Variants in ANAPC5 observed in about 807,000 individuals in gnomAD.
ANAPC5 encodes anaphase promoting complex subunit 5.
A neutral mutation model predicts 91.3 loss-of-function variants in ANAPC5; 60 were observed. The ratio of observed to expected loss-of-function variants is 0.66; its 90% CI spans 0.53 to 0.81. ANAPC5 has a LOEUF of 0.81. ANAPC5 is among the 40% of genes least tolerant of loss of function. The pLI is 0.00. For missense variants in ANAPC5, 690 were observed against 931.5 expected (o/e 0.74, Z 3.37); for synonymous variants, 340 against 364.1 (o/e 0.93, Z 0.75).
rs766197602 is a variant in ANAPC5 at position 121,320,367 on chromosome 12, A to G, written c.1515+18T>C. The G allele has an allele frequency of 3.1e-5, 50 of 1,610,064 alleles. No homozygotes were observed. Among genetic ancestry groups the G allele is most frequent in the Non-Finnish European group, 3.9e-5 (46 of 1,177,190 alleles). On this transcript the variant is annotated intron_variant, in intron 12 of 16. Coordinates refer to ENST00000261819, the MANE Select transcript of ANAPC5 (RefSeq NM_016237.5). ...TTTTATCAGAAATAAATCTATTGCC[A>G]TGCAAAAGGCAGATTACCTGGGCGT...
rs748787687 is a variant in ANAPC5 at position 121,308,555 on chromosome 12, G to T, written c.2193C>A (p.Asn731Lys). ...GCTGCCGGAAGAGCATCGCACACCG[G>T]TTCCTCTCCTGGGTCTTCCCCAGGG... ...YHTLGKTQER[N>K]RCAMLFRQLH... Residue 731 changes from asparagine to lysine, a missense_variant, in exon 17 of 17, where the codon AAC (asparagine) becomes AAA (lysine). Asn to Lys is a moderately conservative substitution (Grantham distance 94, BLOSUM62 0). Transcript: ENST00000261819. The T allele has an allele frequency of 6.8e-6, 11 of 1,614,150 alleles. No homozygotes were observed. Among genetic ancestry groups the T allele is most frequent in the Non-Finnish European group, 9.3e-6 (11 of 1,180,022 alleles).
intron 11 of ANAPC5, among the ~76,000 whole-genome samples, chr12:121,322,045 TA>T: frequency 6.6e-6 from 1 of 152,060 alleles, no homozygotes; most frequent in African/African-American, 2.4e-5. Context: ...TTTGTATTTT[TA>T]GGAGAGACAG....
intron 16 of ANAPC5, among the ~76,000 whole-genome samples, 166 bp from the exon 17 acceptor site, chr12:121,308,857 A>C (rs1038423465): frequency 1.3e-5 from 2 of 152,198 alleles, no homozygotes; most frequent in Non-Finnish European, 2.9e-5. Flanking sequence ...GTTTTCAAAA[A>C]GGTCTTTAAG....
intron 15 of ANAPC5, among the ~76,000 whole-genome samples, chr12:121,317,209 T>G (rs1902401170): frequency 6.6e-6 from 1 of 152,040 alleles, no homozygotes; most frequent in Non-Finnish European, 1.5e-5. Flanking sequence ...ACCACTGAAA[T>G]GTACACTTTA....
intron 4 of ANAPC5, among the ~76,000 whole-genome samples, chr12:121,344,353 T>G (rs1368180149): frequency 6.6e-6 from 1 of 151,612 alleles, no homozygotes; most frequent in Non-Finnish European, 1.5e-5. Flanking sequence ...CCAAGGCGGG[T>G]GGATCACCTG....
intron 4 of ANAPC5, among the ~76,000 whole-genome samples, chr12:121,345,393 T>C (rs782652251): frequency 1.5e-4 from 23 of 151,986 alleles, no homozygotes; most frequent in African/African-American, 5.3e-4. Flanking sequence ...AAAGGATCAA[T>C]TGACAAAAGT....
chr12:121,352,405 C>T lies in ANAPC5; in HGVS notation c.-65G>A. On this transcript the variant is annotated 5_prime_UTR_variant, in exon 1 of 17. Transcript: ENST00000261819. The stretch of plus-strand genomic sequence containing the variant: ...CGCCAGTTGTCACCACAAGGCACAA[C>T]ACTACCGGGTCTACATCTCCGCCCG... The T allele has an allele frequency of 7.5e-7, 1 of 1,328,498 alleles. No individual in the cohort carries two copies. Among genetic ancestry groups the T allele is most frequent in the Non-Finnish European group, 1.1e-6 (1 of 951,918 alleles). The allele number at this position is 1,328,498 out of a possible 1,614,324, so 82.3% of individuals were successfully genotyped here.
intron 6 of ANAPC5, 67 bp from the exon 7 acceptor site, chr12:121,335,790 G>T: frequency 7.5e-7 from 1 of 1,333,388 alleles, no homozygotes; most frequent in Non-Finnish European, 1.0e-6. Flanking sequence ...CAACTGCAGA[G>T]AGTTCCACTG....
chr12:121,331,116 T>C, intron 8 of ANAPC5: 1 of 462,156 alleles, frequency 2.2e-6, no homozygotes, highest in East Asian at 3.4e-5. Context: ...TCATGGCAAG[T>C]TGCATTAAAC....
intron 11 of ANAPC5, among the ~76,000 whole-genome samples, chr12:121,325,741 C>A (rs1902789260): frequency 1.3e-5 from 2 of 151,892 alleles, no homozygotes; most frequent in African/African-American, 4.8e-5. Context: ...GTGGTGGACA[C>A]CTATAGTCCC....
chr12:121,330,726 T>C (rs2136787197), intron 8 of ANAPC5, 54 bp from the exon 9 acceptor site: 2 of 1,398,452 alleles, frequency 1.4e-6, no homozygotes, highest in African/African-American at 1.4e-5. Context: ...GCTGATGTTC[T>C]AGTGAAATAT....
intron 1 of ANAPC5, among the ~76,000 whole-genome samples, chr12:121,349,397 C>T (rs1378936375): frequency 2.0e-5 from 3 of 151,570 alleles, no homozygotes; most frequent in Non-Finnish European, 2.9e-5. Flanking sequence ...TACATCTCTA[C>T]CAAAATTTAA....
chr12:121,320,466 T>C lies in ANAPC5; in HGVS notation c.1441-7A>G. Reference sequence around the variant, plus strand: ...AAGCTGCAGCAAAACAGCCCTAAAGTAGAAACACACAATTTGATCAGCATA... The same window carrying C: ...AAGCTGCAGCAAAACAGCCCTAAAGCAGAAACACACAATTTGATCAGCATA... On this transcript the variant is annotated splice_region_variant and splice_polypyrimidine_tract_variant and intron_variant, in intron 11 of 16. Transcript: ENST00000261819. 6.2e-7 allele frequency: 1 copy of C among 1,613,266 alleles called. No homozygotes were observed. Among genetic ancestry groups the C allele is most frequent in the Non-Finnish European group, 8.5e-7 (1 of 1,179,326 alleles).
At position 121,352,354 on chromosome 12, in the gene ANAPC5, TAA is replaced by T. The variant is rs782618505; in HGVS notation, c.-16_-15del. On this transcript the variant is annotated 5_prime_UTR_variant, in exon 1 of 17. Coordinates refer to ENST00000261819, the MANE Select transcript of ANAPC5 (RefSeq NM_016237.5). ...GACGCTGGCCATGGCGGCCCGAGAC[TAA>T]GTCTCGGGCCCGCGGCGCGCTGCCG... 8 of 1,586,014 alleles carry T rather than the reference TAA, an allele frequency of 5.0e-6. No individual in the cohort carries two copies. Among genetic ancestry groups the T allele is most frequent in the African/African-American group, 4.1e-5 (3 of 73,988 alleles).
chr12:121,348,061 G>C (rs1555274880), intron 1 of ANAPC5, among the ~76,000 whole-genome samples, 180 bp from the exon 2 acceptor site: 1 of 152,002 alleles, frequency 6.6e-6, no homozygotes, highest in Non-Finnish European at 1.5e-5. Context: ...TACCATTTTT[G>C]TCTAGTCAGT....
intron 3 of ANAPC5, chr12:121,346,289 T>TA: frequency 2.7e-6 from 1 of 364,514 alleles, no homozygotes; most frequent in Non-Finnish European, 4.9e-6. Context: ...TCATGGCTGT[T>TA]ACACTATCTG....
chr12:121,326,788 T>C (rs557827042), intron 11 of ANAPC5: 1 of 286,620 alleles, frequency 3.5e-6, no homozygotes, highest in Admixed American at 5.1e-5. Context: ...TATTATACTC[T>C]CCTCTCTCCT....
chr12:121,351,042 T>TA (rs1241272179), intron 1 of ANAPC5: 1 of 445,244 alleles, frequency 2.2e-6, no homozygotes, highest in East Asian at 7.3e-5. Flanking sequence ...TTAAGGAACT[T>TA]AATTATCTGA....
At chr12:121,313,096 C>A (rs1475970442) in intron 15 of ANAPC5, among the ~76,000 whole-genome samples, 1 of 152,152 alleles carries the variant, frequency 6.6e-6, no homozygotes, top group African/African-American at 2.4e-5. Flanking sequence ...GAGGCCAAGG[C>A]GGATGAATCA....
Sources: allele counts gnomAD v4.1 joint callset (sites outside exome capture counted in the v4.1 genomes callset), GRCh38; gene constraint gnomAD v4.1.1; transcripts MANE v1.5; gene names NCBI Gene and HGNC (gene_info 2026-07-23, HGNC 2026-07-21).